The following TENM4 variants were observed in gnomAD, a reference collection of about 807,000 sequenced individuals.
TENM4 encodes teneurin-4.
A neutral mutation model predicts 243.3 loss-of-function variants in TENM4; 82 were observed. The observed-to-expected ratio is 0.34, with a 90% CI of 0.28 to 0.40. The LOEUF is 0.40. TENM4 is among the 10% of genes least tolerant of loss of function. The pLI is 1.00. For missense variants in TENM4, 3,138 were observed against 3,673.3 expected, an observed-to-expected ratio of 0.85 and a Z score of 3.77; for synonymous variants, 1,412 against 1,456.3, an observed-to-expected ratio of 0.97 and a Z score of 0.69.
chr11:79,103,919 G>A (rs1406897019), intron 4 of TENM4, among the ~76,000 whole-genome samples: 2 of 152,266 alleles, frequency 1.3e-5, no homozygotes, highest in East Asian at 1.9e-4. Flanking sequence ...ATGAATATTA[G>A]AATAAAAATT....
intron 19 of TENM4, chr11:78,756,098 C>G (rs1048771096): frequency 3.3e-5 from 5 of 152,482 alleles, no homozygotes; most frequent in African/African-American, 9.7e-5. Context: ...CCTTCCTTGC[C>G]TAGTTAACCG....
chr11:78,758,364 A>C (rs1256329578), intron 18 of TENM4, among the ~76,000 whole-genome samples: 1 of 152,240 alleles, frequency 6.6e-6, no homozygotes, highest in Non-Finnish European at 1.5e-5. Context: ...CCAGTCCATA[A>C]AAGCCAGAAA....
chr11:79,372,569 G>C (rs1170999034), intron 1 of TENM4, among the ~76,000 whole-genome samples: 1 of 152,176 alleles, frequency 6.6e-6, no homozygotes, highest in East Asian at 1.9e-4. Flanking sequence ...TGTCAGCAGA[G>C]AGGACTTGTA....
intron 1 of TENM4, among the ~76,000 whole-genome samples, chr11:79,434,049 C>T (rs182676912): frequency 6.6e-6 from 1 of 152,194 alleles, no homozygotes; most frequent in Non-Finnish European, 1.5e-5. Context: ...CCACTGAATT[C>T]TTTGTCAGAT....
chr11:79,436,545 A>C (rs1379025924), intron 1 of TENM4, among the ~76,000 whole-genome samples: 1 of 152,250 alleles, frequency 6.6e-6, no homozygotes, highest in Non-Finnish European at 1.5e-5. Context: ...TACCAAATAG[A>C]ATCAGATTCT....
chr11:78,880,859 A>G (rs1008657816), intron 9 of TENM4, among the ~76,000 whole-genome samples: 1 of 152,232 alleles, frequency 6.6e-6, no homozygotes, highest in African/African-American at 2.4e-5. Context: ...GCCTGAAACT[A>G]CAGAGACAGA....
rs1476090207 is a variant in TENM4 at position 78,653,354 on chromosome 11, T to C, written c.*4704A>G. On this transcript the variant is annotated 3_prime_UTR_variant, in exon 34 of 34. Coordinates refer to ENST00000278550, the MANE Select transcript of TENM4 (RefSeq NM_001098816.3). ...ACTTCTGGTTTTGTTTTTATGCTTT[T>C]TTTTTTCTAGAAGGTATCTACATCT... is the stretch of plus-strand genomic sequence containing the variant. 6.6e-6 allele frequency: 1 copy of C among 152,124 alleles called. No homozygotes were observed. The highest frequency in any genetic ancestry group is 1.5e-5 in the Non-Finnish European group (1 of 68,014). 9.4% of individuals were successfully genotyped at this position (152,124 alleles called of 1,614,324 possible).
chr11:78,856,931 G>C (rs1858694278), intron 10 of TENM4, among the ~76,000 whole-genome samples: 1 of 152,200 alleles, frequency 6.6e-6, no homozygotes, highest in African/African-American at 2.4e-5. Flanking sequence ...CCTGTGCTAA[G>C]CATCCATGCA....
chr11:79,333,846 G>A lies in TENM4; in HGVS notation c.-320-36303C>T, dbSNP rs1436069618. 3.3e-5 allele frequency among the ~76,000 whole-genome samples: 5 copies of A among 152,212 alleles called. No individual in the cohort carries two copies. In the East Asian group the frequency reaches 9.6e-4, roughly 29 times the overall value. ...GAAGTGACTTGTCTACGATCATCTA[G>A]CCAGTAAGTCATGGAGCTGAGATGT... On this transcript the variant is annotated intron_variant, in intron 1 of 33. Coordinates refer to ENST00000278550, the MANE Select transcript of TENM4 (RefSeq NM_001098816.3).
chr11:78,737,383 G>A (rs1790552), intron 20 of TENM4, among the ~76,000 whole-genome samples: 85,936 of 152,100 alleles, frequency 0.56, 27,752 homozygotes, highest in Non-Finnish European at 0.74. Context: ...GAGGTGGGGA[G>A]GGGGCACCCC....
chr11:78,772,845 A>G (rs774081644), intron 17 of TENM4, among the ~76,000 whole-genome samples: 1 of 152,250 alleles, frequency 6.6e-6, no homozygotes. Flanking sequence ...GGATTCCTCC[A>G]GAAGTTAGAA....
chr11:78,861,194 G>A (rs545289188), intron 10 of TENM4, among the ~76,000 whole-genome samples: 8 of 152,352 alleles, frequency 5.3e-5, no homozygotes, highest in South Asian at 2.1e-4. Context: ...CCAAAAGGCA[G>A]GACCATGGAC....
chr11:79,298,407 C>G lies in TENM4; in HGVS notation c.-320-864G>C, dbSNP rs1023819996. ...GCGGGCGCCTGTAGTCCCAGCTACT[C>G]GGGAGGCTGAGGCAGGAGAATGGCG... is the stretch of plus-strand genomic sequence containing the variant. On this transcript the variant is annotated intron_variant, in intron 1 of 33. Coordinates refer to ENST00000278550, the MANE Select transcript of TENM4 (RefSeq NM_001098816.3). Among the ~76,000 whole-genome samples, 14 of 148,616 alleles carry G rather than the reference C, an allele frequency of 9.4e-5. 1 individual carries two copies. Among genetic ancestry groups the G allele is most frequent in the Admixed American group, 8.8e-4 (13 of 14,744 alleles).
intron 1 of TENM4, among the ~76,000 whole-genome samples, chr11:79,305,519 G>A (rs780670840): frequency 2.6e-5 from 4 of 152,192 alleles, no homozygotes; most frequent in Non-Finnish European, 5.9e-5. Context: ...GACTTCAAGG[G>A]AGACTCATGA....
intron 1 of TENM4, among the ~76,000 whole-genome samples, chr11:79,305,241 C>A (rs1345765405): frequency 6.6e-6 from 1 of 152,222 alleles, no homozygotes; most frequent in Non-Finnish European, 1.5e-5. Context: ...TGAGCATCAG[C>A]TTCTTTATCT....
At chr11:79,282,452 T>C (rs142849247) in intron 2 of TENM4, among the ~76,000 whole-genome samples, 1,597 of 152,308 alleles carry the variant, frequency 0.01, 34 homozygotes, top group Middle Eastern at 0.014. Context: ...TTTAGACATG[T>C]TCAGGGACTC....
chr11:79,359,111 A>T (rs1857547712), intron 1 of TENM4, among the ~76,000 whole-genome samples: 1 of 152,072 alleles, frequency 6.6e-6, no homozygotes, highest in South Asian at 2.1e-4. Context: ...ACAAAGAAAA[A>T]ATAAATTAGC....
intron 2 of TENM4, among the ~76,000 whole-genome samples, chr11:79,245,084 A>G: frequency 6.6e-6 from 1 of 152,178 alleles, no homozygotes; most frequent in Admixed American, 6.5e-5. Context: ...TGTACATGCC[A>G]ACTGTTTATG....
In TENM4 at chr11:79,042,597, A is replaced by C. The variant is rs1413326185; in HGVS notation, c.493+22141T>G. On this transcript the variant is annotated intron_variant, in intron 6 of 33. Transcript: ENST00000278550. ...TGATCTTGGACTTCCCAGCCTCCAG[A>C]ACTGTGAGCAATAAATTTCTGTGGC... Among the ~76,000 whole-genome samples, 4 of 152,206 alleles carry C rather than the reference A, an allele frequency of 2.6e-5. No homozygotes were observed. The East Asian group carries it at 7.7e-4, about 29-fold the overall frequency.
Sources: gnomAD v4.1 joint callset for allele counts (sites outside exome capture counted in the v4.1 genomes callset) on GRCh38, gnomAD v4.1.1 for gene constraint, MANE v1.5 for transcripts, NCBI Gene and HGNC (gene_info 2026-07-23, HGNC 2026-07-21) for gene names.